TLK1: variants seen among roughly 807,000 people sequenced by gnomAD.
TLK1 encodes the protein serine/threonine-protein kinase tousled-like 1.
TLK1 carries 24 observed loss-of-function variants against 105.3 expected under a neutral mutation model. The observed-to-expected ratio is 0.23, with a 90% CI of 0.17 to 0.32. The LOEUF (loss-of-function observed/expected upper bound fraction) is 0.32, where lower values mean the gene tolerates loss of function less well. TLK1 is among the 10% of genes least tolerant of loss of function. TLK1 has a pLI of 1.00. For synonymous variants in TLK1, 321 were observed against 310.4 expected (o/e 1.03, Z -0.36); for missense variants, 558 against 910.5 (o/e 0.61, Z 4.98).
chr2:171,073,881 C>G (rs867656329), intron 3 of TLK1, among the ~76,000 whole-genome samples: 28 of 129,046 alleles, frequency 2.2e-4, no homozygotes, highest in Admixed American at 6.7e-4. Context: ...TTCCCCCCCC[C>G]CCTCCTTTTT....
chr2:171,007,052 A>G lies in TLK1; in HGVS notation c.1428T>C (p.Leu476=). The G allele has an allele frequency of 6.2e-7, 1 of 1,604,368 alleles. No individual in the cohort carries two copies. Among genetic ancestry groups the G allele is most frequent in the Non-Finnish European group, 8.5e-7 (1 of 1,177,674 alleles). Residue 476 remains leucine, a synonymous_variant, in exon 15 of 21, where the codon CTT becomes CTC. Transcript: ENST00000431350. ...GFSEVYKAFD[L]YEQRYAAVKI... Reference sequence around the variant, plus strand: ...TCACAGCAGCATATCTTTGTTCATAAAGGTCAAAAGCCTAGGATTTCAAGT... The same window carrying G: ...TCACAGCAGCATATCTTTGTTCATAGAGGTCAAAAGCCTAGGATTTCAAGT...
At chr2:171,150,876 C>A (rs1024891256) in intron 1 of TLK1, among the ~76,000 whole-genome samples, 3 of 152,206 alleles carry the variant, frequency 2.0e-5, no homozygotes, top group African/African-American at 7.2e-5. Context: ...TCATGACTAA[C>A]ATCCTACCTA....
At chr2:171,086,707 T>A (rs1284631219) in intron 2 of TLK1, among the ~76,000 whole-genome samples, 1 of 152,066 alleles carries the variant, frequency 6.6e-6, no homozygotes, top group Non-Finnish European at 1.5e-5. Flanking sequence ...TTCCTGTTTT[T>A]ACAGCTTTTG....
At chr2:170,995,639 TA>T (rs1194214823) in intron 20 of TLK1, among the ~76,000 whole-genome samples, 11 of 152,354 alleles carry the variant, frequency 7.2e-5, no homozygotes, top group Admixed American at 6.5e-4. Context: ...ACAGTTAAAA[TA>T]TTTTTAAAGG....
intron 1 of TLK1, among the ~76,000 whole-genome samples, chr2:171,225,894 A>G (rs1177902810): frequency 6.6e-6 from 1 of 152,218 alleles, no homozygotes; most frequent in Non-Finnish European, 1.5e-5. Context: ...TTAGAAACCA[A>G]CATCTAGGTG....
intron 3 of TLK1, among the ~76,000 whole-genome samples, chr2:171,078,406 C>T (rs979110049): frequency 2.0e-5 from 3 of 152,036 alleles, no homozygotes; most frequent in Non-Finnish European, 4.4e-5. Flanking sequence ...GGCATGGTGG[C>T]GCACACCTGT....
chr2:171,031,712 G>A (rs567320625), intron 11 of TLK1, among the ~76,000 whole-genome samples: 13 of 152,252 alleles, frequency 8.5e-5, no homozygotes, highest in African/African-American at 2.4e-4. Context: ...CACTAAGTCT[G>A]AGTAAATGAA....
chr2:171,009,890 CA>C (rs1684824099), intron 14 of TLK1, among the ~76,000 whole-genome samples: 1 of 152,134 alleles, frequency 6.6e-6, no homozygotes, highest in South Asian at 2.1e-4. Context: ...AAAGGCACAC[CA>C]AATCTATCAG....
chr2:171,102,429 A>G (rs1689729314), intron 2 of TLK1, among the ~76,000 whole-genome samples: 1 of 152,204 alleles, frequency 6.6e-6, no homozygotes, highest in South Asian at 2.1e-4. Context: ...TTCTCCCAAC[A>G]TGACAACTAC....
Position 171,046,302 on chromosome 2 carries a change from G to A in TLK1, c.1041C>T (p.Ala347=). 1.2e-6 allele frequency: 2 copies of A among 1,613,304 alleles called. No individual in the cohort carries two copies. Among genetic ancestry groups the A allele is most frequent in the Non-Finnish European group, 1.7e-6 (2 of 1,179,590 alleles). Residue 347 remains alanine, a synonymous_variant, in exon 11 of 21, where the codon GCC becomes GCT. Coordinates refer to ENST00000431350, the MANE Select transcript of TLK1 (RefSeq NM_012290.5). The part of the protein sequence containing the change: ...EDIERQRKLL[A]KRKPPTANNS... ...TATTAGCTGTGGGAGGTTTGCGTTT[G>A]GCTAGAAGTTTCCTTTGCCTTTCAA...
At chr2:171,120,248 G>GAAAAA (rs71008751) in intron 1 of TLK1, among the ~76,000 whole-genome samples, 5 of 47,042 alleles carry the variant, frequency 1.1e-4, no homozygotes, top group Non-Finnish European at 1.5e-4. Context: ...GACTCCGTCA[G>GAAAAA]AAAAAAAAAA....
At chr2:171,053,526 C>G (rs1357506180) in intron 8 of TLK1, among the ~76,000 whole-genome samples, 1 of 152,042 alleles carries the variant, frequency 6.6e-6, no homozygotes, top group Non-Finnish European at 1.5e-5. Context: ...CCATGCCCAG[C>G]CAATTTTTGT....
intron 2 of TLK1, among the ~76,000 whole-genome samples, chr2:171,091,209 GAA>G (rs1558936798): frequency 1.3e-5 from 2 of 152,190 alleles, no homozygotes; most frequent in Admixed American, 6.5e-5. Flanking sequence ...GCACTTTACA[GAA>G]AAAGTTTGCC....
chr2:171,148,968 C>T (rs1388292669), intron 1 of TLK1, among the ~76,000 whole-genome samples: 2 of 147,554 alleles, frequency 1.4e-5, no homozygotes, highest in South Asian at 2.1e-4. Flanking sequence ...ATATATATCA[C>T]GTTGCTTTAG....
At position 171,150,265 on chromosome 2, in the gene TLK1, C is replaced by G. The variant is rs150987040; in HGVS notation, c.139+10025G>C. On this transcript the variant is annotated intron_variant, in intron 1 of 20. Coordinates refer to ENST00000431350, the MANE Select transcript of TLK1 (RefSeq NM_012290.5). The stretch of plus-strand genomic sequence containing the variant: ...CTAAAATTGTTTTATACTCTGCTCT[C>G]GTAATTCCATGACTGAAAATCTAGT... Among the ~76,000 whole-genome samples, 767 of 152,116 alleles carry G rather than the reference C, an allele frequency of 5.0e-3. 5 individuals are homozygous for G. Among genetic ancestry groups the G allele is most frequent in the African/African-American group, 0.017 (714 of 41,482 alleles).
At chr2:171,028,281 A>T in intron 12 of TLK1, 58 bp downstream of exon 12, 1 of 1,265,612 alleles carries the variant, frequency 7.9e-7, no homozygotes, top group Non-Finnish European at 1.2e-6. Flanking sequence ...TTATAACACA[A>T]CTTCCCACAA....
intron 1 of TLK1, among the ~76,000 whole-genome samples, chr2:171,206,811 A>G (rs188835334): frequency 1.3e-5 from 2 of 152,368 alleles, no homozygotes; most frequent in East Asian, 1.9e-4. Context: ...GTTCAACATC[A>G]TATGTCATTA....
At chr2:171,025,841 G>A (rs544151279) in intron 12 of TLK1, among the ~76,000 whole-genome samples, 8 of 151,980 alleles carry the variant, frequency 5.3e-5, no homozygotes, top group African/African-American at 7.3e-5. Context: ...ATTAATACTC[G>A]GTTCTAAGCA....
intron 1 of TLK1, among the ~76,000 whole-genome samples, chr2:171,147,399 A>G (rs1388173911): frequency 6.6e-6 from 1 of 152,200 alleles, no homozygotes; most frequent in East Asian, 1.9e-4. Context: ...AGTAAGCCAA[A>G]TCTTTGAAAT....
Sources: allele counts gnomAD v4.1 joint callset (sites outside exome capture counted in the v4.1 genomes callset), GRCh38; gene constraint gnomAD v4.1.1; transcripts MANE v1.5; gene names NCBI Gene and HGNC (gene_info 2026-07-23, HGNC 2026-07-21).